The following PTPRM variants were observed in gnomAD, a reference collection of about 807,000 sequenced individuals.
The protein encoded by PTPRM is receptor-type tyrosine-protein phosphatase mu.
A neutral mutation model predicts 186.7 loss-of-function variants in PTPRM; 47 were observed. That is an observed-to-expected ratio of 0.25 (90% confidence interval 0.20 to 0.32). The LOEUF is 0.32. Ranked by LOEUF, PTPRM falls within the 10% of genes least tolerant of loss-of-function variation. The probability of loss-of-function intolerance (pLI) is 1.00; values close to 1 mark genes in which losing one functional copy is unlikely to be tolerated. For synonymous variants in PTPRM, 668 were observed against 674.9 expected (o/e 0.99, Z 0.16); for missense variants, 1,494 against 1,865.0 (o/e 0.80, Z 3.66).
At chr18:7,865,696 T>C (rs1276462905) in intron 2 of PTPRM, among the ~76,000 whole-genome samples, 1 of 152,208 alleles carries the variant, frequency 6.6e-6, no homozygotes, top group Non-Finnish European at 1.5e-5. Flanking sequence ...GATGCCGGCC[T>C]CATAAAATGA....
At chr18:7,974,270 GC>G (rs2054782986) in intron 7 of PTPRM, among the ~76,000 whole-genome samples, 2 of 152,134 alleles carry the variant, frequency 1.3e-5, no homozygotes. Flanking sequence ...ATTCTCCTAG[GC>G]TTTGAGGATA....
intron 1 of PTPRM, among the ~76,000 whole-genome samples, chr18:7,713,985 T>G (rs2040267967): frequency 6.6e-6 from 1 of 152,112 alleles, no homozygotes; most frequent in African/African-American, 2.4e-5. Context: ...TTAGCAAGGA[T>G]ATTCAGGACT....
At chr18:8,302,359 G>A (rs2095168373) in intron 20 of PTPRM, among the ~76,000 whole-genome samples, 1 of 152,132 alleles carries the variant, frequency 6.6e-6, no homozygotes, top group Non-Finnish European at 1.5e-5. Context: ...AAGGAAGGCT[G>A]GGTGGCTGGA....
At chr18:8,107,845 G>T (rs952519123) in intron 11 of PTPRM, among the ~76,000 whole-genome samples, 7 of 152,218 alleles carry the variant, frequency 4.6e-5, no homozygotes, top group Admixed American at 4.6e-4. Context: ...TGTGTGTCCA[G>T]TCAGTTACTC....
At position 7,888,341 on chromosome 18, in the gene PTPRM, A is replaced by C; in HGVS notation, c.432A>C (p.Glu144Asp). 6.2e-7 allele frequency: 1 copy of C among 1,613,934 alleles called. No individual in the cohort carries two copies. The change falls in exon 3 of 33, where the codon GAA (glutamate) becomes GAC (aspartate). Residue 144 changes from glutamate to aspartate, a missense_variant. Transcript: ENST00000580170. ...GDPTRTWNRA[E>D]LAISTFWPNF... ...CAACACGTACATGGAACAGGGCAGA[A>C]CTGGCCATTAGTACTTTCTGGCCTA...
intron 20 of PTPRM, among the ~76,000 whole-genome samples, chr18:8,301,414 C>G (rs985307172): frequency 3.0e-4 from 46 of 152,272 alleles, no homozygotes; most frequent in African/African-American, 1.1e-3. Flanking sequence ...ATAATTAACT[C>G]TAAGCTTAAG....
intron 26 of PTPRM, chr18:8,377,438 A>G (rs556369105): frequency 6.6e-6 from 1 of 152,312 alleles, no homozygotes; most frequent in East Asian, 1.9e-4. Flanking sequence ...GTAATAATTT[A>G]TCTTTTAATG....
At position 7,567,754 on chromosome 18, in the gene PTPRM, G is replaced by A; in HGVS notation, c.-65G>A. The A allele has an allele frequency of 7.1e-7, 1 of 1,409,204 alleles. No homozygotes were observed. Among genetic ancestry groups the A allele is most frequent in the Non-Finnish European group, 9.4e-7 (1 of 1,059,776 alleles). 87.3% of individuals were successfully genotyped at this position (1,409,204 alleles called of 1,614,324 possible). Reference sequence around the variant, plus strand: ...CGCTGCCTCGGAACCAAAGCTCCCGGCCCCCTCCGCCCTCGCGCGCCCACC... The same window carrying A: ...CGCTGCCTCGGAACCAAAGCTCCCGACCCCCTCCGCCCTCGCGCGCCCACC... On this transcript the variant is annotated 5_prime_UTR_variant, in exon 1 of 33. Coordinates refer to ENST00000580170, the MANE Select transcript of PTPRM (RefSeq NM_001105244.2). The surrounding 1 kb of genome is among the most constrained non-coding windows in gnomAD (Gnocchi z 4.3).
At chr18:8,251,877 T>C (rs1199758128) in intron 17 of PTPRM, 1 of 152,284 alleles carries the variant, frequency 6.6e-6, no homozygotes, top group Non-Finnish European at 1.5e-5. Context: ...TGAATATATC[T>C]TTTATATGTT....
intron 23 of PTPRM, among the ~76,000 whole-genome samples, chr18:8,352,356 G>A (rs1217269888): frequency 6.6e-6 from 1 of 152,146 alleles, no homozygotes; most frequent in Non-Finnish European, 1.5e-5. Context: ...ATTTAGTGGT[G>A]CTGAGGTTAG....
Position 8,376,127 on chromosome 18 carries a change from G to A in PTPRM, c.3253G>A (p.Gly1085Ser), listed in dbSNP as rs138337205. Reference sequence around the variant, plus strand: ...TCATGGGGTCCCCTACCATGCCACCGGCCTGCTGGGATTCGTGCGGCAAGT... The same window carrying A: ...TCATGGGGTCCCCTACCATGCCACCAGCCTGCTGGGATTCGTGCGGCAAGT... The part of the protein sequence containing the change: ...PDHGVPYHAT[G>S]LLGFVRQVKS... The change falls in exon 25 of 33, where the codon GGC (glycine) becomes AGC (serine). Residue 1085 changes from glycine to serine, a missense_variant. Gly to Ser is a moderately conservative substitution (Grantham distance 56). Coordinates refer to ENST00000580170, the MANE Select transcript of PTPRM (RefSeq NM_001105244.2). The A allele has an allele frequency of 1.1e-5, 18 of 1,613,888 alleles. No individual in the cohort carries two copies. The highest frequency in any genetic ancestry group is 4.0e-5 in the African/African-American group (3 of 74,922).
intron 14 of PTPRM, among the ~76,000 whole-genome samples, chr18:8,163,152 T>C (rs1195614187): frequency 6.6e-6 from 1 of 152,250 alleles, no homozygotes; most frequent in Non-Finnish European, 1.5e-5. Context: ...AGTTTAATTT[T>C]CTGCTGTCCT....
chr18:8,227,931 C>T (rs371635928), intron 14 of PTPRM, among the ~76,000 whole-genome samples: 3 of 152,152 alleles, frequency 2.0e-5, no homozygotes, highest in Admixed American at 1.3e-4. Context: ...GCACTGTCAC[C>T]GGTTCCAGCC....
chr18:8,219,435 C>T (rs2094128992), intron 14 of PTPRM, among the ~76,000 whole-genome samples: 1 of 151,514 alleles, frequency 6.6e-6, no homozygotes, highest in African/African-American at 2.4e-5. Flanking sequence ...CCACTGCACT[C>T]CAGCCTGGGT....
At chr18:7,856,768 T>C (rs1331596135) in intron 2 of PTPRM, among the ~76,000 whole-genome samples, 8 of 143,546 alleles carry the variant, frequency 5.6e-5, no homozygotes. Context: ...TCATCAAGAG[T>C]GTGCCTGCTT....
chr18:8,068,895 C>A (rs2089273297), intron 7 of PTPRM, among the ~76,000 whole-genome samples: 1 of 151,958 alleles, frequency 6.6e-6, no homozygotes, highest in Non-Finnish European at 1.5e-5. Context: ...GTCAGGAGAT[C>A]AAGACCATCC....
intron 7 of PTPRM, among the ~76,000 whole-genome samples, chr18:7,958,292 A>G (rs2053448385): frequency 6.6e-6 from 1 of 151,582 alleles, no homozygotes; most frequent in African/African-American, 2.4e-5. Context: ...TGATAGCCTT[A>G]CTCTACCAGT....
intron 7 of PTPRM, among the ~76,000 whole-genome samples, chr18:7,993,256 A>C (rs998225359): frequency 2.6e-5 from 4 of 152,084 alleles, no homozygotes; most frequent in African/African-American, 9.6e-5. Flanking sequence ...CAAGCATTCA[A>C]CTATTGTGAA....
At chr18:8,108,123 A>T (rs2091602226) in intron 11 of PTPRM, among the ~76,000 whole-genome samples, 1 of 152,156 alleles carries the variant, frequency 6.6e-6, no homozygotes, top group South Asian at 2.1e-4. Context: ...CATGCTTTGC[A>T]TGTAATTAAT....
Sources: gnomAD v4.1 joint callset for allele counts (sites outside exome capture counted in the v4.1 genomes callset) on GRCh38, gnomAD v4.1.1 for gene constraint, Gnocchi (gnomAD v3.1) non-coding constraint, MANE v1.5 for transcripts, NCBI Gene and HGNC (gene_info 2026-07-23, HGNC 2026-07-21) for gene names.